The following MGAT4C variants were observed in gnomAD, a reference collection of about 807,000 sequenced individuals.
The protein encoded by MGAT4C is MGAT4 family member C.
Under a neutral mutation model 40.1 loss-of-function variants are expected in MGAT4C, and 19 were observed. The ratio of observed to expected loss-of-function variants is 0.47; its 90% CI spans 0.33 to 0.70. MGAT4C has a LOEUF of 0.70. Ranked by LOEUF, MGAT4C falls within the 30% of genes least tolerant of loss-of-function variation. The probability of loss-of-function intolerance (pLI) is 0.02; values close to 1 mark genes in which losing one functional copy is unlikely to be tolerated. For synonymous variants in MGAT4C, 181 were observed against 187.1 expected (o/e 0.97, Z 0.27); for missense variants, 491 against 563.2 (o/e 0.87, Z 1.30).
intron 2 of MGAT4C, among the ~76,000 whole-genome samples, chr12:86,489,997 C>A (rs1283601177): frequency 6.6e-6 from 1 of 152,176 alleles, no homozygotes; most frequent in South Asian, 2.1e-4. Flanking sequence ...GGAAAACACT[C>A]TGCAGGATAT....
chr12:86,212,656 A>G (rs1398637251), intron 1 of MGAT4C, among the ~76,000 whole-genome samples: 2 of 149,746 alleles, frequency 1.3e-5, no homozygotes, highest in African/African-American at 4.9e-5. Flanking sequence ...TGGGAGGCCG[A>G]GGCGGGCGGA....
rs547837670 is a variant in MGAT4C, at chr12:86,307,322, CTA to C, written c.-57+26741_-57+26742del. The stretch of plus-strand genomic sequence containing the variant: ...ATTGGCATGAATTACATAAAATAAA[CTA>C]TTTATTTCTACATTGCTACATTGTT... On this transcript the variant is annotated intron_variant, in intron 4 of 7. Coordinates refer to the MGAT4C transcript ENST00000548651. Among the ~76,000 whole-genome samples, 7 of 150,562 alleles carry C rather than the reference CTA, an allele frequency of 4.6e-5. 1 individual carries two copies. Among genetic ancestry groups the C allele is most frequent in the African/African-American group, 1.0e-4 (4 of 40,050 alleles).
intron 3 of MGAT4C, among the ~76,000 whole-genome samples, chr12:86,355,282 A>C (rs1038236520): frequency 6.6e-6 from 1 of 152,210 alleles, no homozygotes; most frequent in African/African-American, 2.4e-5. Context: ...TCCTCTTCTA[A>C]GACAGAAATG....
At position 86,600,597 on chromosome 12, in the gene MGAT4C, C is replaced by T. The variant is rs140161156; in HGVS notation, c.-229+126612G>A. 4.4e-3 allele frequency among the ~76,000 whole-genome samples: 664 copies of T among 152,278 alleles called. 6 individuals are homozygous for T. Among genetic ancestry groups the T allele is most frequent in the Non-Finnish European group, 6.9e-3 (468 of 68,030 alleles). On this transcript the variant is annotated intron_variant, in intron 2 of 7. Transcript: ENST00000548651. ...GGCTCTTAGCCAGCACAAAGTATGG[C>T]CCATCTAAAGAAGCATTTTCATCAT...
intron 2 of MGAT4C, among the ~76,000 whole-genome samples, chr12:86,488,419 C>T (rs1255261727): frequency 2.0e-5 from 3 of 149,926 alleles, no homozygotes; most frequent in Non-Finnish European, 4.4e-5. Flanking sequence ...AGGGTGAGAC[C>T]CTGTCTCAAA....
chr12:86,768,670 A>C (rs909037569), intron 1 of MGAT4C, among the ~76,000 whole-genome samples: 1 of 152,086 alleles, frequency 6.6e-6, no homozygotes, highest in Non-Finnish European at 1.5e-5. Context: ...CAAAACAGAG[A>C]TATAGATCAA....
chr12:86,755,945 G>A (rs1210170551), intron 1 of MGAT4C, among the ~76,000 whole-genome samples: 1 of 151,640 alleles, frequency 6.6e-6, no homozygotes, highest in Non-Finnish European at 1.5e-5. Context: ...ACCACACCAG[G>A]TCTAGTAAAC....
Position 86,782,171 on chromosome 12 carries a change from ATTTTTTTTTTTTTTTT to A in MGAT4C, c.-261-54946_-261-54931del, listed in dbSNP as rs57791582. Among the ~76,000 whole-genome samples, 5 of 40,276 alleles carry A rather than the reference ATTTTTTTTTTTTTTTT, an allele frequency of 1.2e-4. 1 individual carries two copies. The highest frequency in any genetic ancestry group is 2.2e-4 in the Non-Finnish European group (5 of 22,694). The allele number at this position is 40,276 out of a possible 152,430, so 26.4% of individuals were successfully genotyped here. On this transcript the variant is annotated intron_variant, in intron 1 of 7. Transcript: ENST00000548651. ...CCACGCCTGGCTAAATGTTTTTTGT[ATTTTTTTTTTTTTTTT>A]TTTTTTTTTTTTGAGACGGAGTCTC... is the stretch of plus-strand genomic sequence containing the variant.
At chr12:86,745,701 T>A (rs532547417) in intron 1 of MGAT4C, among the ~76,000 whole-genome samples, 10 of 151,702 alleles carry the variant, frequency 6.6e-5, no homozygotes, top group Non-Finnish European at 1.3e-4. Context: ...AATGAATGAA[T>A]GAGTAAATCT....
intron 2 of MGAT4C, among the ~76,000 whole-genome samples, chr12:86,674,036 T>C (rs1048136456): frequency 6.6e-6 from 1 of 152,006 alleles, no homozygotes; most frequent in African/African-American, 2.4e-5. Flanking sequence ...GAATAAATTA[T>C]AAAATAAACG....
chr12:86,162,278 A>C (rs1442709244), intron 1 of MGAT4C, among the ~76,000 whole-genome samples: 1 of 152,166 alleles, frequency 6.6e-6, no homozygotes, highest in Admixed American at 6.6e-5. Context: ...GATAAAGAAA[A>C]TGTGGTATGT....
intron 2 of MGAT4C, among the ~76,000 whole-genome samples, chr12:86,014,777 T>G (rs528448274): frequency 6.6e-6 from 1 of 151,870 alleles, no homozygotes; most frequent in Non-Finnish European, 1.5e-5. Flanking sequence ...AAAATGACAA[T>G]GAGGAGCGCC....
intron 2 of MGAT4C, among the ~76,000 whole-genome samples, chr12:86,532,152 G>A (rs544620185): frequency 5.3e-5 from 8 of 151,862 alleles, no homozygotes; most frequent in Non-Finnish European, 8.8e-5. Flanking sequence ...ACGTTAAGTG[G>A]GACAATAAGC....
intron 1 of MGAT4C, among the ~76,000 whole-genome samples, chr12:86,107,909 G>T (rs1387686623): frequency 6.6e-6 from 1 of 152,032 alleles, no homozygotes; most frequent in East Asian, 1.9e-4. Flanking sequence ...CTGTGGAAAT[G>T]CTATTCTGAT....
intron 2 of MGAT4C, among the ~76,000 whole-genome samples, chr12:86,481,181 T>C (rs1957931217): frequency 6.6e-6 from 1 of 152,056 alleles, no homozygotes; most frequent in South Asian, 2.1e-4. Flanking sequence ...ATAGGAAACA[T>C]GTATATTTCA....
intron 1 of MGAT4C, among the ~76,000 whole-genome samples, chr12:86,173,945 T>C (rs1296351537): frequency 5.9e-5 from 9 of 152,068 alleles, no homozygotes; most frequent in African/African-American, 2.2e-4. Flanking sequence ...CACTGTGTTG[T>C]CTTTAACATT....
chr12:86,105,878 A>G (rs763743636), intron 1 of MGAT4C, among the ~76,000 whole-genome samples: 1 of 152,216 alleles, frequency 6.6e-6, no homozygotes, highest in Non-Finnish European at 1.5e-5. Context: ...TTGTGCACTT[A>G]CTTTACAAAT....
intron 2 of MGAT4C, among the ~76,000 whole-genome samples, chr12:86,644,521 A>G (rs896800668): frequency 2.0e-5 from 3 of 151,692 alleles, no homozygotes; most frequent in African/African-American, 7.2e-5. Flanking sequence ...TGTATTAGAA[A>G]ACTCTTAGGC....
chr12:86,315,107 A>G (rs1396837736), intron 4 of MGAT4C, among the ~76,000 whole-genome samples: 2 of 152,204 alleles, frequency 1.3e-5, no homozygotes, highest in African/African-American at 4.8e-5. Context: ...ATACTACTTC[A>G]AACTATACTA....
Sources: gnomAD v4.1 joint callset for allele counts (sites outside exome capture counted in the v4.1 genomes callset) on GRCh38, gnomAD v4.1.1 for gene constraint, MANE v1.5 for transcripts, NCBI Gene and HGNC (gene_info 2026-07-23, HGNC 2026-07-21) for gene names.